Variants in EPHA6 observed in about 807,000 individuals in gnomAD.
EPHA6 encodes EPH receptor A6.
In EPHA6, 50 loss-of-function variants were observed where a neutral mutation model predicts 112.0. The ratio of observed to expected loss-of-function variants is 0.45; its 90% confidence interval spans 0.36 to 0.56. The LOEUF (loss-of-function observed/expected upper bound fraction) is 0.56, where lower values mean the gene tolerates loss of function less well. EPHA6 is among the 20% of genes least tolerant of loss of function. The pLI, the probability that EPHA6 is intolerant of heterozygous loss-of-function variation, is 0.00. For synonymous variants in EPHA6, 529 were observed against 490.7 expected (o/e 1.08, Z -1.03); for missense variants, 1,280 against 1,417.4 (o/e 0.90, Z 1.56).
intron 2 of EPHA6, among the ~76,000 whole-genome samples, chr3:96,886,954 A>G (rs1160154688): frequency 6.6e-6 from 1 of 152,074 alleles, no homozygotes; most frequent in African/African-American, 2.4e-5. Flanking sequence ...TCTTTAAACT[A>G]TCTATTTTCT....
At position 97,585,823 on chromosome 3, in the gene EPHA6, T is replaced by G. The variant is rs1322660659; in HGVS notation, c.2387-6789T>G. Among the ~76,000 whole-genome samples, 455 of 152,114 alleles carry G rather than the reference T, an allele frequency of 3.0e-3. 4 individuals carry two copies. Among genetic ancestry groups the G allele is most frequent in the African/African-American group, 0.011 (438 of 41,362 alleles). ...GACTCAGTCCCTGAAAATAATATTG[T>G]CATATCAAAAATTATTTGATTTTCT... On this transcript the variant is annotated intron_variant, in intron 11 of 17. Coordinates refer to ENST00000389672, the MANE Select transcript of EPHA6 (RefSeq NM_001080448.3).
intron 14 of EPHA6, among the ~76,000 whole-genome samples, chr3:97,688,517 C>A (rs943490626): frequency 7.3e-6 from 1 of 136,056 alleles, no homozygotes; most frequent in African/African-American, 2.8e-5. Context: ...TAGGTGGGAA[C>A]TGAACAATGA....
intron 5 of EPHA6, among the ~76,000 whole-genome samples, chr3:97,389,070 G>A (rs2086246073): frequency 6.6e-6 from 1 of 152,034 alleles, no homozygotes; most frequent in Admixed American, 6.6e-5. Context: ...CAGGGAAAGG[G>A]AACTAACAGG....
chr3:97,699,707 G>A (rs1458034420), intron 14 of EPHA6, among the ~76,000 whole-genome samples: 1 of 152,192 alleles, frequency 6.6e-6, no homozygotes, highest in African/African-American at 2.4e-5. Context: ...TATAAGGCCT[G>A]TACGAATAAG....
chr3:97,587,435 T>C (rs1349167633), intron 11 of EPHA6, among the ~76,000 whole-genome samples: 1 of 152,096 alleles, frequency 6.6e-6, no homozygotes, highest in Non-Finnish European at 1.5e-5. Context: ...ATACAAAATA[T>C]AAAATAAGGA....
intron 3 of EPHA6, among the ~76,000 whole-genome samples, chr3:97,121,000 T>C (rs72922312): frequency 0.013 from 1,972 of 152,060 alleles, 45 homozygotes; most frequent in African/African-American, 0.044. Context: ...AATGTTACGT[T>C]CCTGCCAAGA....
intron 5 of EPHA6, among the ~76,000 whole-genome samples, chr3:97,315,151 T>A (rs1292513144): frequency 6.6e-6 from 1 of 151,592 alleles, no homozygotes; most frequent in Non-Finnish European, 1.5e-5. Context: ...CTTTTACTAG[T>A]GTTGTGGATG....
intron 5 of EPHA6, among the ~76,000 whole-genome samples, chr3:97,323,742 G>A (rs1018793272): frequency 6.6e-6 from 1 of 151,760 alleles, no homozygotes; most frequent in East Asian, 1.9e-4. Flanking sequence ...AAACTGGAAA[G>A]AAAATAAAAT....
chr3:97,033,393 G>A (rs775315824), intron 3 of EPHA6, among the ~76,000 whole-genome samples: 1 of 152,046 alleles, frequency 6.6e-6, no homozygotes, highest in East Asian at 1.9e-4. Context: ...TGAGAAGCTG[G>A]TCAGTCGGTC....
chr3:96,987,782 C>T lies in EPHA6; in HGVS notation c.903C>T (p.Cys301=), dbSNP rs1345910031. 5.6e-6 allele frequency: 9 copies of T among 1,613,894 alleles called. No individual in the cohort carries two copies. Among genetic ancestry groups the T allele is most frequent in the Non-Finnish European group, 6.8e-6 (8 of 1,179,856 alleles). Residue 301 remains cysteine (C), a synonymous_variant, in exon 3 of 18, where the codon TGC becomes TGT. Coordinates refer to ENST00000389672, the MANE Select transcript of EPHA6 (RefSeq NM_001080448.3). ...LVSVRVFYKK[C]PFTVRNLAMF... The stretch of plus-strand genomic sequence containing the variant: ...CAGTCCGTGTTTTCTACAAGAAATG[C>T]CCCTTCACTGTTCGTAACTTGGCCA...
intron 14 of EPHA6, among the ~76,000 whole-genome samples, chr3:97,682,805 G>C (rs1256350056): frequency 6.6e-6 from 1 of 152,126 alleles, no homozygotes; most frequent in African/African-American, 2.4e-5. Context: ...TCTGTCATCT[G>C]TATACTCTAT....
At chr3:97,597,826 A>G (rs890043660) in intron 12 of EPHA6, among the ~76,000 whole-genome samples, 11 of 152,240 alleles carry the variant, frequency 7.2e-5, no homozygotes, top group South Asian at 2.1e-4. Flanking sequence ...TAAGCCAGGA[A>G]TGATAAATAA....
At chr3:97,476,512 C>G (rs1177924420) in intron 8 of EPHA6, among the ~76,000 whole-genome samples, 2 of 152,036 alleles carry the variant, frequency 1.3e-5, no homozygotes, top group Non-Finnish European at 2.9e-5. Context: ...GTTTTTAAAA[C>G]TCTGCTTAGG....
At chr3:97,610,535 A>G (rs940123533) in intron 12 of EPHA6, among the ~76,000 whole-genome samples, 3 of 151,708 alleles carry the variant, frequency 2.0e-5, no homozygotes, top group Non-Finnish European at 4.4e-5. Flanking sequence ...GCAGGGCTTT[A>G]GGAAAAGAAG....
At chr3:97,326,589 C>CT (rs2082434453) in intron 5 of EPHA6, among the ~76,000 whole-genome samples, 1 of 151,954 alleles carries the variant, frequency 6.6e-6, no homozygotes, top group Non-Finnish European at 1.5e-5. Flanking sequence ...ACATTTGGAA[C>CT]TTAAGGAGCT....
At chr3:97,307,659 G>T in intron 5 of EPHA6, among the ~76,000 whole-genome samples, 1 of 148,236 alleles carries the variant, frequency 6.7e-6, no homozygotes, top group South Asian at 2.1e-4. Flanking sequence ...TCAGATTTAT[G>T]GCACTTTTTC....
At chr3:97,515,405 G>A (rs2092431821) in intron 10 of EPHA6, among the ~76,000 whole-genome samples, 1 of 152,172 alleles carries the variant, frequency 6.6e-6, no homozygotes, top group Non-Finnish European at 1.5e-5. Flanking sequence ...AAAGGAAACT[G>A]AGATTCGAAG....
chr3:97,087,538 G>A (rs950785876), intron 3 of EPHA6, among the ~76,000 whole-genome samples: 27 of 152,224 alleles, frequency 1.8e-4, no homozygotes, highest in African/African-American at 6.0e-4. Context: ...CTAGGCAGGT[G>A]GGTGTTCAAA....
At chr3:96,981,586 TTC>T (rs1227183036) in intron 2 of EPHA6, among the ~76,000 whole-genome samples, 1 of 152,116 alleles carries the variant, frequency 6.6e-6, no homozygotes, top group South Asian at 2.1e-4. Flanking sequence ...TGAGGGAGGA[TTC>T]TCTCTTTTTC....
Sources: gnomAD v4.1 joint callset for allele counts (sites outside exome capture counted in the v4.1 genomes callset) on GRCh38, gnomAD v4.1.1 for gene constraint, MANE v1.5 for transcripts, NCBI Gene and HGNC (gene_info 2026-07-23, HGNC 2026-07-21) for gene names.